The following NAPSA variants were observed in gnomAD, a reference collection of about 807,000 sequenced individuals.
NAPSA encodes the protein napsin-A.
A neutral mutation model predicts 36.7 loss-of-function variants in NAPSA; 37 were observed. That is an observed-to-expected ratio of 1.01 (90% CI 0.78 to 1.33). The LOEUF (loss-of-function observed/expected upper bound fraction) is 1.33. NAPSA is among the 40% of genes most tolerant of loss of function. NAPSA has a pLI of 0.00. For missense variants in NAPSA, 532 were observed against 543.8 expected, an observed-to-expected ratio of 0.98 and a Z score of 0.21; for synonymous variants, 222 against 234.5, an observed-to-expected ratio of 0.95 and a Z score of 0.49.
chr19:50,368,205 TG>T (rs935000156), upstream of NAPSA, among the ~76,000 whole-genome samples: 1 of 119,254 alleles, frequency 8.4e-6, no homozygotes, highest in Non-Finnish European at 1.8e-5. Context: ...CTAGGTGCGG[TG>T]GGGGTGCGTT....
intron 6 of NAPSA, 43 bp from the exon 7 acceptor site, chr19:50,359,690 G>A: frequency 1.2e-6 from 2 of 1,614,226 alleles, no homozygotes; most frequent in Non-Finnish European, 1.7e-6. Context: ...GGTCCTAGGA[G>A]TCCAGGCCCC....
upstream of NAPSA, chr19:50,369,075 A>C (rs552377706): frequency 6.6e-5 from 10 of 152,344 alleles, no homozygotes; most frequent in African/African-American, 2.2e-4. Flanking sequence ...CAGTTTCCAG[A>C]ATCGCCCAAC....
intron 3 of NAPSA, 79 bp from the exon 4 acceptor site, chr19:50,361,860 G>A (rs2037478836): frequency 6.2e-7 from 1 of 1,603,424 alleles, no homozygotes; most frequent in East Asian, 2.2e-5. Context: ...TCTGACCTGT[G>A]AGGGCATGAT....
At chr19:50,368,790 C>A (rs2037580397), upstream of NAPSA, among the ~76,000 whole-genome samples, 1 of 152,252 alleles carries the variant, frequency 6.6e-6, no homozygotes, top group African/African-American at 2.4e-5. Context: ...GATTCCCCAG[C>A]CGCCACCCGT....
rs550752975 is a variant in NAPSA at position 50,359,611 on chromosome 19, C to T, written c.828G>A (p.Lys276=). Residue 276 remains lysine (K), a synonymous_variant, in exon 7 of 9, where the codon AAG becomes AAA. Transcript: ENST00000253719. ...KVGPGLTLCA[K]GCAAILDTGT... is the part of the protein sequence containing the mutation. ...CCGTATCCAGGATGGCAGCACAGCC[C>T]TTGGCACAGAGAGTCAGCCCTGGGC... 1 of 1,614,210 alleles carries T rather than the reference C, an allele frequency of 6.2e-7. No homozygotes were observed. Among genetic ancestry groups the T allele is most frequent in the African/African-American group, 1.3e-5 (1 of 75,054 alleles).
In NAPSA at chr19:50,362,283, G is replaced by C. The variant is rs755571780; in HGVS notation, c.114C>G (p.Arg38=). 6.2e-7 allele frequency: 1 copy of C among 1,612,314 alleles called. No individual in the cohort carries two copies. Among genetic ancestry groups the C allele is most frequent in the Non-Finnish European group, 8.5e-7 (1 of 1,179,116 alleles). ...RIPLHRVQPG[R]RILNLLRGWR... The stretch of plus-strand genomic sequence containing the variant: ...ATCCCCTCAGTAGGTTCAGGATCCT[G>C]CGTCCAGGTTGGACTCGATGAAGAG... The change falls in exon 2 of 9, where the codon CGC becomes CGG. Residue 38 remains arginine, a synonymous_variant. Transcript: ENST00000253719.
At position 50,358,790 on chromosome 19, in the gene NAPSA, A is replaced by C. The variant is rs749296636; in HGVS notation, c.1036-10T>G. 1.2e-6 allele frequency: 2 copies of C among 1,602,282 alleles called. No individual in the cohort carries two copies. The highest frequency in any genetic ancestry group is 1.7e-6 in the Non-Finnish European group (2 of 1,174,310). Reference sequence around the variant, plus strand: ...CGCCATTTCGAGTAGTCTGCAAGGCAACAAGACGACAACTGGGTGTCGCGG... The same window carrying C: ...CGCCATTTCGAGTAGTCTGCAAGGCCACAAGACGACAACTGGGTGTCGCGG... On this transcript the variant is annotated splice_polypyrimidine_tract_variant and intron_variant, in intron 8 of 8. Coordinates refer to ENST00000253719, the MANE Select transcript of NAPSA (RefSeq NM_004851.3).
At chr19:50,367,541 T>TCTCTCC (rs1324986958), upstream of NAPSA, among the ~76,000 whole-genome samples, 4 of 138,692 alleles carry the variant, frequency 2.9e-5, no homozygotes, top group South Asian at 2.2e-4. Context: ...AGTCAGTCTC[T>TCTCTCC]CTCTCTCCCT....
At chr19:50,359,673 G>C (rs752088826) in intron 6 of NAPSA, 26 bp from the exon 7 acceptor site, 1 of 1,614,112 alleles carries the variant, frequency 6.2e-7, no homozygotes, top group African/African-American at 1.3e-5. Flanking sequence ...GCAGTCATCA[G>C]AGGCAGGGTC....
upstream of NAPSA, among the ~76,000 whole-genome samples, chr19:50,366,189 G>GT (rs35291240): frequency 0.012 from 1,708 of 143,024 alleles, 6 homozygotes; most frequent in African/African-American, 0.027. Context: ...TTGTTTTTTG[G>GT]TTTTTTTTTT....
At chr19:50,365,743 C>T (rs2037541920), upstream of NAPSA, 1 of 750,288 alleles carries the variant, frequency 1.3e-6, no homozygotes, top group Non-Finnish European at 2.2e-6. Flanking sequence ...AATCTGTCCG[C>T]AGGTGACGCA....
At chr19:50,365,342 G>A (rs1203671471) in intron 1 of NAPSA, among the ~76,000 whole-genome samples, 197 bp downstream of exon 1, 4 of 152,156 alleles carry the variant, frequency 2.6e-5, no homozygotes, top group Admixed American at 2.0e-4. Context: ...TCAAAAAAAA[G>A]AAATCTGGTC....
chr19:50,358,564 A>G lies in NAPSA; in HGVS notation c.1252T>C (p.Phe418Leu), dbSNP rs763880591. Residue 418 changes from phenylalanine to leucine, a missense_variant, in exon 9 of 9, where the codon TTC becomes CTC. Phe to Leu is a conservative substitution (Grantham distance 22). Coordinates refer to ENST00000253719, the MANE Select transcript of NAPSA (RefSeq NM_004851.3). ...GCTTCACTTGGGCGTCACCCGGGGA[A>G]CTGCGCCTGCGCAGTCTCTCCCCAT... ...LGWGETAQAQ[F>L]PG The G allele has an allele frequency of 6.3e-7, 1 of 1,597,920 alleles. No individual in the cohort carries two copies. Among genetic ancestry groups the G allele is most frequent in the Non-Finnish European group, 8.5e-7 (1 of 1,172,402 alleles).
chr19:50,363,519 T>A (rs1312271566), intron 1 of NAPSA, among the ~76,000 whole-genome samples: 1 of 152,080 alleles, frequency 6.6e-6, no homozygotes. Context: ...TAGCTGAGAC[T>A]ATGGGCACAC....
At chr19:50,368,987 G>A (rs1397514144), upstream of NAPSA, among the ~76,000 whole-genome samples, 3 of 152,178 alleles carry the variant, frequency 2.0e-5, no homozygotes, top group Non-Finnish European at 4.4e-5. Context: ...ACACGGCCCG[G>A]CCAATGGGAC....
rs1314173031 is a variant in NAPSA at position 50,361,013 on chromosome 19, A to T, written c.596T>A (p.Val199Asp). 4 of 1,614,118 alleles carry T rather than the reference A, an allele frequency of 2.5e-6. No individual in the cohort carries two copies. The South Asian group carries it at 4.4e-5, about 18-fold the overall frequency. ...LGFPILSVEG[V>D]RPPMDVLVEQ... ...CACCAGTACATCCATCGGGGGCCGA[A>T]CTCCTTCCACAGACAGAATGGGAAA... Residue 199 changes from valine (V) to aspartate (D), a missense_variant, in exon 5 of 9, where the codon GTT becomes GAT. Val to Asp is a radical substitution (Grantham distance 152). Transcript: ENST00000253719.
chr19:50,360,730 C>T (rs948662383), intron 5 of NAPSA, among the ~76,000 whole-genome samples: 5 of 152,062 alleles, frequency 3.3e-5, no homozygotes, highest in Non-Finnish European at 5.9e-5. Context: ...TCTGGGACTT[C>T]GAATAGGGTT....
Position 50,361,979 on chromosome 19 carries a change from A to G in NAPSA, c.339T>C (p.Ser113=). ...WVPSRRCHFF[S]VPCWLHHRFD... The stretch of plus-strand genomic sequence containing the variant: ...CACATAGAAGCTCACAGCAGGGCAC[A>G]CTGAAGAAGTGGCATCTCCTGGACG... Residue 113 remains serine (S), a synonymous_variant, in exon 3 of 9, where the codon AGT becomes AGC. Coordinates refer to ENST00000253719, the MANE Select transcript of NAPSA (RefSeq NM_004851.3). 1.9e-6 allele frequency: 3 copies of G among 1,597,074 alleles called. No individual in the cohort carries two copies. Among genetic ancestry groups the G allele is most frequent in the Non-Finnish European group, 2.6e-6 (3 of 1,171,734 alleles).
chr19:50,359,129 A>G lies in NAPSA; in HGVS notation c.937-20T>C, dbSNP rs1397785935. ...GATGTACTGGGGGAGAAGAGGAACT[A>G]GTGAAGATGAGAGATTCCTGCTCTG... On this transcript the variant is annotated intron_variant, in intron 7 of 8. Coordinates refer to ENST00000253719, the MANE Select transcript of NAPSA (RefSeq NM_004851.3). 1 of 1,585,988 alleles carries G rather than the reference A, an allele frequency of 6.3e-7. No individual in the cohort carries two copies. Among genetic ancestry groups the G allele is most frequent in the Admixed American group, 1.7e-5 (1 of 59,948 alleles).
Sources: gnomAD v4.1 joint callset for allele counts (sites outside exome capture counted in the v4.1 genomes callset) on GRCh38, gnomAD v4.1.1 for gene constraint, MANE v1.5 for transcripts, NCBI Gene and HGNC (gene_info 2026-07-23, HGNC 2026-07-21) for gene names.